The following VPS13C variants were observed in gnomAD, a reference collection of about 807,000 sequenced individuals.
The protein encoded by VPS13C is intermembrane lipid transfer protein VPS13C.
VPS13C carries 358 observed loss-of-function variants against 456.8 expected under a neutral mutation model. The ratio of observed to expected loss-of-function variants is 0.78; its 90% CI spans 0.72 to 0.86. The LOEUF (loss-of-function observed/expected upper bound fraction) is 0.86, where lower values mean the gene tolerates loss of function less well. Among genes scored for constraint, VPS13C ranks in the 40% least tolerant of loss-of-function variants. The probability of loss-of-function intolerance (pLI) is 0.00; values close to 1 mark genes in which losing one functional copy is unlikely to be tolerated. For synonymous variants in VPS13C, 1,578 were observed against 1,486.7 expected (o/e 1.06, Z -1.41); for missense variants, 4,818 against 4,385.4 (o/e 1.10, Z -2.79).
At chr15:62,017,780 G>C (rs1247526055) in intron 9 of VPS13C, among the ~76,000 whole-genome samples, 1 of 152,102 alleles carries the variant, frequency 6.6e-6, no homozygotes, top group Non-Finnish European at 1.5e-5. Context: ...CTCTTTTTTG[G>C]TTCCATACGA....
intron 67 of VPS13C, 79 bp from the exon 68 acceptor site, chr15:61,884,348 TAA>T: frequency 7.1e-7 from 1 of 1,416,576 alleles, no homozygotes; most frequent in South Asian, 1.3e-5. Flanking sequence ...CAGATTATTG[TAA>T]CTATTATTTT....
At position 61,961,569 on chromosome 15, in the gene VPS13C, T is replaced by A. The variant is rs1157021078; in HGVS notation, c.3908+20A>T. 1 of 1,522,688 alleles carries A rather than the reference T, an allele frequency of 6.6e-7. No individual in the cohort carries two copies. Among genetic ancestry groups the A allele is most frequent in the Non-Finnish European group, 8.8e-7 (1 of 1,137,750 alleles). 94.3% of individuals were successfully genotyped at this position (1,522,688 alleles called of 1,614,324 possible). On this transcript the variant is annotated intron_variant, in intron 35 of 84. Coordinates refer to ENST00000644861, the MANE Select transcript of VPS13C (RefSeq NM_020821.3). ...ATCATGAATATAATATTTAAATCCA[T>A]AATTATTGAAAGAGCATACCTATAA... is the stretch of plus-strand genomic sequence containing the variant.
chr15:61,960,241 C>G (rs975616911), intron 35 of VPS13C, among the ~76,000 whole-genome samples: 1 of 152,032 alleles, frequency 6.6e-6, no homozygotes, highest in African/African-American at 2.4e-5. Flanking sequence ...GTGAGTGGAA[C>G]CGGACTGTAG....
chr15:62,037,290 ATAT>A (rs1481657579), intron 3 of VPS13C, among the ~76,000 whole-genome samples: 1 of 72,730 alleles, frequency 1.4e-5, no homozygotes, highest in African/African-American at 6.2e-5. Flanking sequence ...TATATATATT[ATAT>A]TATATAATAT....
At chr15:61,951,697 T>A in intron 39 of VPS13C, 127 bp downstream of exon 39, 1 of 1,031,182 alleles carries the variant, frequency 9.7e-7, no homozygotes. Flanking sequence ...GGACTGTTTT[T>A]GAAAAGTTGA....
In VPS13C at chr15:61,854,573, A is replaced by G. The variant is rs749873899; in HGVS notation, c.11161-15T>C. 2.5e-6 allele frequency: 4 copies of G among 1,609,774 alleles called. No individual in the cohort carries two copies. The Admixed American group carries it at 5.0e-5, about 20-fold the overall frequency. ...TTACATGCTCTCTGTAAAGTAAAAT[A>G]CTTATTATGAATTTTAAAGACAAGT... On this transcript the variant is annotated splice_polypyrimidine_tract_variant and intron_variant, in intron 84 of 84. Coordinates refer to ENST00000644861, the MANE Select transcript of VPS13C (RefSeq NM_020821.3).
At chr15:61,938,615 A>G (rs1309203789) in intron 47 of VPS13C, among the ~76,000 whole-genome samples, 2 of 152,218 alleles carry the variant, frequency 1.3e-5, no homozygotes, top group Non-Finnish European at 2.9e-5. Flanking sequence ...CTTTGATGCT[A>G]AAGTATCAGA....
At chr15:61,982,645 C>T in intron 20 of VPS13C, 72 bp from the exon 21 acceptor site, 1 of 1,041,236 alleles carries the variant, frequency 9.6e-7, no homozygotes. Flanking sequence ...CAAAGTTTCA[C>T]CTCAATTCTA....
At chr15:61,902,859 A>G (rs1361574902) in intron 66 of VPS13C, among the ~76,000 whole-genome samples, 2 of 146,786 alleles carry the variant, frequency 1.4e-5, no homozygotes, top group African/African-American at 5.0e-5. Context: ...CAGGCAAGCG[A>G]AAGAAAAAAA....
chr15:62,037,491 T>C (rs1410847919), intron 3 of VPS13C, among the ~76,000 whole-genome samples: 4 of 133,484 alleles, frequency 3.0e-5, no homozygotes, highest in Non-Finnish European at 6.2e-5. Context: ...ATTGTAAGAA[T>C]ATAATAAATT....
chr15:61,956,847 G>C (rs565413080), intron 37 of VPS13C, among the ~76,000 whole-genome samples: 169 of 152,218 alleles, frequency 1.1e-3, no homozygotes, highest in Middle Eastern at 6.8e-3. Flanking sequence ...ATTGCTGCTA[G>C]GAAAGTAAAT....
intron 16 of VPS13C, among the ~76,000 whole-genome samples, chr15:61,998,279 GCAAATCATCATCAC>G: frequency 6.6e-6 from 1 of 152,092 alleles, no homozygotes; most frequent in East Asian, 1.9e-4. Flanking sequence ...GTTTAAAACT[GCAAATCATCATCAC>G]TGACTAGCTT....
intron 49 of VPS13C, among the ~76,000 whole-genome samples, chr15:61,933,337 G>T (rs1447775959): frequency 6.6e-6 from 1 of 152,076 alleles, no homozygotes. Context: ...GCAGTTCATT[G>T]CATAAATAAC....
At chr15:61,878,022 TA>T (rs1171751040) in intron 74 of VPS13C, among the ~76,000 whole-genome samples, 1 of 151,990 alleles carries the variant, frequency 6.6e-6, no homozygotes, top group African/African-American at 2.4e-5. Flanking sequence ...TTTATGTGGT[TA>T]AATGTATCTT....
intron 66 of VPS13C, among the ~76,000 whole-genome samples, chr15:61,895,973 A>G (rs1180788226): frequency 1.3e-5 from 2 of 152,198 alleles, no homozygotes; most frequent in Non-Finnish European, 2.9e-5. Flanking sequence ...TGTTCCTAAC[A>G]CAAAGAAATG....
At chr15:62,006,921 T>A (rs536067006) in intron 15 of VPS13C, among the ~76,000 whole-genome samples, 36 of 152,300 alleles carry the variant, frequency 2.4e-4, no homozygotes, top group Admixed American at 6.5e-5. Context: ...AAGCTGTTTT[T>A]TATAAATAAT....
chr15:62,038,380 G>A (rs560782791), intron 3 of VPS13C, among the ~76,000 whole-genome samples: 2 of 152,230 alleles, frequency 1.3e-5, no homozygotes, highest in East Asian at 3.9e-4. Flanking sequence ...CTTGAGCCCA[G>A]GAGTTCAAGA....
chr15:61,896,932 G>A (rs1454986733), intron 66 of VPS13C, among the ~76,000 whole-genome samples: 1 of 152,210 alleles, frequency 6.6e-6, no homozygotes, highest in Non-Finnish European at 1.5e-5. Flanking sequence ...CTCCTCAAGT[G>A]GGTGCCTGAC....
intron 67 of VPS13C, among the ~76,000 whole-genome samples, 168 bp downstream of exon 67, chr15:61,889,997 C>T (rs2042602122): frequency 6.6e-6 from 1 of 152,116 alleles, no homozygotes; most frequent in Non-Finnish European, 1.5e-5. Context: ...TCTTTCTATC[C>T]TCGGGGCTTT....
Sources: allele counts gnomAD v4.1 joint callset (sites outside exome capture counted in the v4.1 genomes callset), GRCh38; gene constraint gnomAD v4.1.1; transcripts MANE v1.5; gene names NCBI Gene and HGNC (gene_info 2026-07-23, HGNC 2026-07-21).